The following PTPMT1 variants were observed in gnomAD, a reference collection of about 807,000 sequenced individuals.
PTPMT1 encodes the protein protein tyrosine phosphatase mitochondrial 1.
PTPMT1 carries 12 observed loss-of-function variants against 17.8 expected under a neutral mutation model. That is an observed-to-expected ratio of 0.67 (90% CI 0.43 to 1.09). The LOEUF (loss-of-function observed/expected upper bound fraction) is 1.09. Among genes scored for constraint, PTPMT1 ranks in the 50% least tolerant of loss-of-function variants. The probability of loss-of-function intolerance (pLI) is 0.00; values close to 1 mark genes in which losing one functional copy is unlikely to be tolerated. For missense variants in PTPMT1, 262 were observed against 266.0 expected, an observed-to-expected ratio of 0.99 and a Z score of 0.10; for synonymous variants, 132 against 116.8, an observed-to-expected ratio of 1.13 and a Z score of -0.84.
In PTPMT1 at chr11:47,572,843, A is replaced by T; in HGVS notation, c.*1214A>T. On this transcript the variant is annotated 3_prime_UTR_variant, in exon 4 of 4. Transcript: ENST00000326674. ...GCCTTTCTAGTATGTGCCAAAAAAA[A>T]CATAACTCTGAATTGGGGCCCAGGG... is the stretch of plus-strand genomic sequence containing the variant. 7.0e-7 allele frequency: 1 copy of T among 1,435,010 alleles called. No individual in the cohort carries two copies. Among genetic ancestry groups the T allele is most frequent in the East Asian group, 2.3e-5 (1 of 43,040 alleles). The allele number at this position is 1,435,010 out of a possible 1,614,324, so 88.9% of individuals were successfully genotyped here.
chr11:47,568,569 C>T (rs1340106491), intron 2 of PTPMT1, among the ~76,000 whole-genome samples: 1 of 152,084 alleles, frequency 6.6e-6, no homozygotes, highest in Non-Finnish European at 1.5e-5. Context: ...GTAGTCACAG[C>T]TACTTGGGAG....
intron 2 of PTPMT1, among the ~76,000 whole-genome samples, chr11:47,566,518 G>C (rs952527984): frequency 6.8e-6 from 1 of 147,904 alleles, no homozygotes; most frequent in Non-Finnish European, 1.5e-5. Context: ...AGTGGAAGTT[G>C]ACAAAGCCTG....
intron 2 of PTPMT1, among the ~76,000 whole-genome samples, chr11:47,568,081 G>C (rs2097247319): frequency 6.6e-6 from 1 of 151,880 alleles, no homozygotes; most frequent in Non-Finnish European, 1.5e-5. Context: ...CACCATGCCC[G>C]GCTAATTTTT....
rs543367573 is a variant in PTPMT1 at position 47,571,901 on chromosome 11, T to C, written c.*272T>C. On this transcript the variant is annotated 3_prime_UTR_variant, in exon 4 of 4. Transcript: ENST00000326674. ...CTTGAATAGGGCTAAAGAAGTATTT[T>C]AACAAAAATCTATTATGTACCTAAT... 8 of 301,592 alleles carry C rather than the reference T, an allele frequency of 2.7e-5. No individual in the cohort carries two copies. In the South Asian group the frequency reaches 4.6e-4, roughly 17 times the overall value. 18.7% of individuals were successfully genotyped at this position (301,592 alleles called of 1,614,324 possible).
At chr11:47,570,023 T>G (rs1598780786) in intron 3 of PTPMT1, 132 bp downstream of exon 3, 1 of 687,368 alleles carries the variant, frequency 1.5e-6, no homozygotes, top group Admixed American at 2.8e-5. Flanking sequence ...CAAAACCGTC[T>G]CTACAAAAAA....
At chr11:47,565,861 T>C (rs1442810548) in intron 1 of PTPMT1, 45 bp from the exon 2 acceptor site, 4 of 1,610,214 alleles carry the variant, frequency 2.5e-6, no homozygotes, top group South Asian at 1.1e-5. Flanking sequence ...GTCGGGCCGC[T>C]GGGGTCTCCA....
In PTPMT1 at chr11:47,573,330, T is replaced by TC. The variant is rs756343868; in HGVS notation, c.*1708dup. ...GGTAAAGAAGTCCAGATCATTCTCC[T>TC]CCCCCCCTAGTAAGTAGATGATCCC... On this transcript the variant is annotated 3_prime_UTR_variant, in exon 4 of 4. Coordinates refer to ENST00000326674, the MANE Select transcript of PTPMT1 (RefSeq NM_175732.3). The surrounding 1 kb of genome is among the most constrained non-coding windows in gnomAD (Gnocchi z 4.1). 2.9e-5 allele frequency: 46 copies of TC among 1,613,654 alleles called. No individual in the cohort carries two copies. Among genetic ancestry groups the TC allele is most frequent in the Non-Finnish European group, 3.8e-5 (45 of 1,179,972 alleles).
At chr11:47,570,187 A>T (rs1405407163) in intron 3 of PTPMT1, among the ~76,000 whole-genome samples, 1 of 2,554 alleles carries the variant, frequency 3.9e-4, no homozygotes, top group East Asian at 0.021. Flanking sequence ...AAACTGTCTC[A>T]AAAAAAAAAA....
At position 47,571,623 on chromosome 11, in the gene PTPMT1, G is replaced by A. The variant is rs1476537339; in HGVS notation, c.600G>A (p.Lys200=). ...AGGATGGGACTTTTGTCATTTCAAAGACATGATGTATGGGGATTAGAAAGA... is the reference window on the plus strand; with the variant it reads ...AGGATGGGACTTTTGTCATTTCAAAAACATGATGTATGGGGATTAGAAAGA... ...ATKDGTFVIS[K]T The change falls in exon 4 of 4, where the codon AAG becomes AAA. Residue 200 remains lysine, a synonymous_variant. Coordinates refer to ENST00000326674, the MANE Select transcript of PTPMT1 (RefSeq NM_175732.3). The A allele has an allele frequency of 6.2e-7, 1 of 1,613,872 alleles. No individual in the cohort carries two copies. The highest frequency in any genetic ancestry group is 1.3e-5 in the African/African-American group (1 of 74,890).
Position 47,573,334 on chromosome 11 carries a change from C to T in PTPMT1, c.*1705C>T, listed in dbSNP as rs748459776. Reference sequence around the variant, plus strand: ...AAGAAGTCCAGATCATTCTCCTCCCCCCCTAGTAAGTAGATGATCCCGTTG... The same window carrying T: ...AAGAAGTCCAGATCATTCTCCTCCCTCCCTAGTAAGTAGATGATCCCGTTG... On this transcript the variant is annotated 3_prime_UTR_variant, in exon 4 of 4. Transcript: ENST00000326674. The surrounding 1 kb of genome is among the most constrained non-coding windows in gnomAD (Gnocchi z 4.1). 2 of 1,614,236 alleles carry T rather than the reference C, an allele frequency of 1.2e-6. No individual in the cohort carries two copies. The highest frequency in any genetic ancestry group is 1.7e-6 in the Non-Finnish European group (2 of 1,180,044).
Position 47,571,475 on chromosome 11 carries a change from A to C in PTPMT1, c.452A>C (p.His151Pro). ...TTTCCCAACCCTGTACTTCAGGTGC[A>C]CAAATGGAGTCCAGAGGAGGCTGTA... The part of the protein sequence containing the change: ...TMVAAYLIQV[H>P]KWSPEEAVRA... Residue 151 changes from histidine (H) to proline (P), a missense_variant, in exon 4 of 4, where the codon CAC becomes CCC. Physicochemically the swap from His to Pro is moderately conservative, Grantham distance 77. Transcript: ENST00000326674. The C allele has an allele frequency of 6.2e-7, 1 of 1,613,774 alleles. No individual in the cohort carries two copies. Among genetic ancestry groups the C allele is most frequent in the Non-Finnish European group, 8.5e-7 (1 of 1,179,940 alleles).
In PTPMT1 at chr11:47,571,773, G is replaced by A. The variant is rs1385779122; in HGVS notation, c.*144G>A. 1.4e-6 allele frequency: 1 copy of A among 735,366 alleles called. No homozygotes were observed. The highest frequency in any genetic ancestry group is 2.2e-6 in the Non-Finnish European group (1 of 446,650). 45.6% of individuals were successfully genotyped at this position (735,366 alleles called of 1,614,324 possible). A position where few individuals can be genotyped will look rare whatever the true frequency, so the allele number is the denominator to read the frequency against. ...TAGGTAATTTTTCTTTCTCTGACTT[G>A]TTTTGTTTTCTTGAAATAACACTGT... On this transcript the variant is annotated 3_prime_UTR_variant, in exon 4 of 4. Coordinates refer to ENST00000326674, the MANE Select transcript of PTPMT1 (RefSeq NM_175732.3).
chr11:47,566,017 G>A, intron 2 of PTPMT1, 31 bp downstream of exon 2: 5 of 1,378,682 alleles, frequency 3.6e-6, no homozygotes, highest in Non-Finnish European at 4.7e-6. Context: ...GCAGGCTCGG[G>A]GGCCCGCTCC....
rs577582889 is a variant in PTPMT1 at position 47,571,859 on chromosome 11, T to C, written c.*230T>C. 7 of 464,552 alleles carry C rather than the reference T, an allele frequency of 1.5e-5. No individual in the cohort carries two copies. Among genetic ancestry groups the C allele is most frequent in the Non-Finnish European group, 2.3e-5 (6 of 261,646 alleles). The allele number at this position is 464,552 out of a possible 1,614,324, so 28.8% of individuals were successfully genotyped here. ...GTATTCATGGGATACAGGACAGGGA[T>C]GGGGCTATCATCTTTTCTTGAATAG... is the stretch of plus-strand genomic sequence containing the variant. On this transcript the variant is annotated 3_prime_UTR_variant, in exon 4 of 4. Coordinates refer to ENST00000326674, the MANE Select transcript of PTPMT1 (RefSeq NM_175732.3).
chr11:47,569,761 C>T lies in PTPMT1; in HGVS notation c.317C>T (p.Pro106Leu), dbSNP rs983521931. The T allele has an allele frequency of 2.5e-6, 4 of 1,613,916 alleles. No homozygotes were observed. The highest frequency in any genetic ancestry group is 3.3e-5 in the Admixed American group (2 of 59,980). ...RLSTVDMTGI[P>L]TLDNLQKGVQ... is the part of the protein sequence containing the mutation. Reference sequence around the variant, plus strand: ...AGCACAGTAGACATGACTGGGATCCCCACCTTGGACAACCTCCAGAAGGGA... The same window carrying T: ...AGCACAGTAGACATGACTGGGATCCTCACCTTGGACAACCTCCAGAAGGGA... The change falls in exon 3 of 4, where the codon CCC becomes CTC. Residue 106 changes from proline to leucine, a missense_variant. Pro to Leu is a moderately conservative substitution (Grantham distance 98, BLOSUM62 -3). Transcript: ENST00000326674.
At chr11:47,568,870 T>C (rs957412334) in intron 2 of PTPMT1, among the ~76,000 whole-genome samples, 1 of 151,902 alleles carries the variant, frequency 6.6e-6, no homozygotes, top group Non-Finnish European at 1.5e-5. Flanking sequence ...TTTGTATTTT[T>C]AGTAGAGACA....
At chr11:47,566,360 G>C (rs1240265350) in intron 2 of PTPMT1, among the ~76,000 whole-genome samples, 1 of 151,940 alleles carries the variant, frequency 6.6e-6, no homozygotes, top group Admixed American at 6.6e-5. Context: ...GCGTGCGCCT[G>C]TACTCCCAGC....
At chr11:47,569,423 C>A (rs1310216651) in intron 2 of PTPMT1, among the ~76,000 whole-genome samples, 1 of 147,332 alleles carries the variant, frequency 6.8e-6, no homozygotes, top group Admixed American at 6.8e-5. Context: ...CACTTTAAAT[C>A]TTGGACATAA....
intron 2 of PTPMT1, among the ~76,000 whole-genome samples, chr11:47,567,508 T>C: frequency 6.6e-6 from 1 of 152,190 alleles, no homozygotes; most frequent in East Asian, 1.9e-4. Flanking sequence ...ATCTGAAGTC[T>C]TAAAGCATAA....
Sources: allele counts gnomAD v4.1 joint callset (sites outside exome capture counted in the v4.1 genomes callset), GRCh38; gene constraint gnomAD v4.1.1; non-coding constraint Gnocchi (gnomAD v3.1); transcripts MANE v1.5; gene names NCBI Gene and HGNC (gene_info 2026-07-23, HGNC 2026-07-21).